Variants in RGS7 observed in about 807,000 individuals in gnomAD.
RGS7 encodes regulator of G protein signaling 7, also known as regulator of G-protein signaling 7.
Under a neutral mutation model 81.1 loss-of-function variants are expected in RGS7, and 27 were observed. The ratio of observed to expected loss-of-function variants is 0.33; its 90% CI spans 0.25 to 0.46. The LOEUF (loss-of-function observed/expected upper bound fraction) is 0.46, where lower values mean the gene tolerates loss of function less well. Ranked by LOEUF, RGS7 falls within the 20% of genes least tolerant of loss-of-function variation. The probability of loss-of-function intolerance (pLI) is 1.00; values close to 1 mark genes in which losing one functional copy is unlikely to be tolerated. For missense variants in RGS7, 396 were observed against 607.4 expected, an observed-to-expected ratio of 0.65 and a Z score of 3.66; for synonymous variants, 208 against 207.7, an observed-to-expected ratio of 1.00 and a Z score of -0.01.
At chr1:241,143,499 A>G (rs866500173) in intron 2 of RGS7, among the ~76,000 whole-genome samples, 15 of 151,870 alleles carry the variant, frequency 9.9e-5, no homozygotes, top group Admixed American at 2.0e-4. Context: ...GTGGAGGGGA[A>G]CTCCTCTTTT....
At chr1:240,895,622 C>A (rs375940387) in intron 6 of RGS7, among the ~76,000 whole-genome samples, 2 of 152,126 alleles carry the variant, frequency 1.3e-5, no homozygotes, top group Admixed American at 6.5e-5. Context: ...TGAACTCATC[C>A]TTTTTTATGG....
chr1:241,027,305 C>T (rs2148714759), intron 3 of RGS7, among the ~76,000 whole-genome samples: 1 of 151,772 alleles, frequency 6.6e-6, no homozygotes, highest in Non-Finnish European at 1.5e-5. Flanking sequence ...GGGAAGTGAG[C>T]AGAGATTCTG....
chr1:240,829,525 G>A (rs895267743), intron 9 of RGS7, among the ~76,000 whole-genome samples: 1 of 152,184 alleles, frequency 6.6e-6, no homozygotes, highest in Non-Finnish European at 1.5e-5. Context: ...TTAAAGGATC[G>A]AGTTTTCACT....
At chr1:241,351,281 T>A (rs1213474175) in intron 2 of RGS7, among the ~76,000 whole-genome samples, 1 of 151,880 alleles carries the variant, frequency 6.6e-6, no homozygotes, top group Non-Finnish European at 1.5e-5. Context: ...TATACAGGCA[T>A]CATGGCACCC....
chr1:241,248,783 T>G (rs1440259603), intron 2 of RGS7, among the ~76,000 whole-genome samples: 1 of 152,176 alleles, frequency 6.6e-6, no homozygotes, highest in Non-Finnish European at 1.5e-5. Flanking sequence ...CCTTTTCGGA[T>G]GAGTGGAGAA....
At chr1:241,312,698 C>A (rs2080618133) in intron 2 of RGS7, among the ~76,000 whole-genome samples, 1 of 152,078 alleles carries the variant, frequency 6.6e-6, no homozygotes, top group Non-Finnish European at 1.5e-5. Context: ...CCCTGAGACA[C>A]AACAACATTA....
intron 2 of RGS7, among the ~76,000 whole-genome samples, chr1:241,105,585 G>A (rs2065043709): frequency 6.6e-6 from 1 of 152,188 alleles, no homozygotes; most frequent in Non-Finnish European, 1.5e-5. Flanking sequence ...CAAAATCACT[G>A]CCTTGAAACC....
intron 3 of RGS7, chr1:240,998,475 C>A (rs670659): frequency 1.5e-5 from 15 of 996,262 alleles, no homozygotes; most frequent in Non-Finnish European, 2.2e-5. Flanking sequence ...CCCATGTCAC[C>A]ATCAGACTTC....
At chr1:240,860,885 A>C (rs1662074718) in intron 9 of RGS7, among the ~76,000 whole-genome samples, 1 of 152,158 alleles carries the variant, frequency 6.6e-6, no homozygotes, top group South Asian at 2.1e-4. Flanking sequence ...TCTGAATGTC[A>C]TGTCATCACA....
chr1:241,269,075 G>A (rs1429040749), intron 2 of RGS7, among the ~76,000 whole-genome samples: 1 of 152,216 alleles, frequency 6.6e-6, no homozygotes, highest in Non-Finnish European at 1.5e-5. Context: ...TAATTATACA[G>A]AGTGATATTG....
chr1:241,356,790 C>T (rs1408369053), intron 1 of RGS7, 109 bp downstream of exon 1: 1 of 149,638 alleles, frequency 6.7e-6, no homozygotes, highest in African/African-American at 2.4e-5. Context: ...GGGCGGCCGC[C>T]CTGCGCCCGC....
intron 4 of RGS7, among the ~76,000 whole-genome samples, chr1:240,959,832 A>G (rs557057985): frequency 3.3e-5 from 5 of 152,286 alleles, no homozygotes; most frequent in Non-Finnish European, 7.3e-5. Context: ...ATTTTAAAAT[A>G]CAAGTTCACG....
intron 2 of RGS7, among the ~76,000 whole-genome samples, chr1:241,140,029 G>A (rs1271843452): frequency 6.6e-6 from 1 of 152,140 alleles, no homozygotes; most frequent in Non-Finnish European, 1.5e-5. Context: ...AGAGCCTGCT[G>A]GATGTTCCTG....
At chr1:240,826,765 C>T (rs1165541821) in intron 10 of RGS7, among the ~76,000 whole-genome samples, 2 of 149,606 alleles carry the variant, frequency 1.3e-5, no homozygotes, top group African/African-American at 5.1e-5. Flanking sequence ...AAGAGGGGCC[C>T]CTGCACTCTT....
intron 2 of RGS7, among the ~76,000 whole-genome samples, chr1:241,165,854 A>G (rs1308251271): frequency 6.6e-6 from 1 of 152,062 alleles, no homozygotes; most frequent in Non-Finnish European, 1.5e-5. Context: ...CCAAACCTCA[A>G]ATGCTTTTAC....
intron 2 of RGS7, among the ~76,000 whole-genome samples, chr1:241,247,785 A>C (rs2076620501): frequency 6.6e-6 from 1 of 152,198 alleles, no homozygotes; most frequent in African/African-American, 2.4e-5. Flanking sequence ...ATATGTCCTC[A>C]TGATGGAATT....
In RGS7 at chr1:241,037,214, T is replaced by C. The variant is rs143160439; in HGVS notation, c.176-54085A>G. ...CTAGGAAATACGTATCAGAAGCTGG[T>C]AAGATAGAGATGTGTTATTTGGAGA... On this transcript the variant is annotated intron_variant, in intron 3 of 18. Coordinates refer to ENST00000440928, the MANE Select transcript of RGS7 (RefSeq NM_001364886.1). Among the ~76,000 whole-genome samples the C allele has an allele frequency of 1.1e-3, 164 of 152,260 alleles. 1 individual carries two copies. Among genetic ancestry groups the C allele is most frequent in the Non-Finnish European group, 1.8e-3 (120 of 68,016 alleles).
At position 240,813,623 on chromosome 1, in the gene RGS7, C is replaced by T. The variant is rs763150329; in HGVS notation, c.951G>A (p.Glu317=). The T allele has an allele frequency of 3.6e-5, 58 of 1,606,638 alleles. No homozygotes were observed. In the South Asian group the frequency reaches 6.3e-4, roughly 17 times the overall value. ...AAAGATAAAATGCCACCTACCTTGC[C>T]TCAAGTTCCCAGAAAGTGGTGTCAT... The part of the protein sequence containing the change: ...LSDDTTFWEL[E]ASKEPSQQRV... Residue 317 remains glutamate (E), a synonymous_variant, in exon 13 of 19, where the codon GAG becomes GAA. Transcript: ENST00000440928.
chr1:241,145,177 C>T (rs1295105663), intron 2 of RGS7, among the ~76,000 whole-genome samples: 1 of 151,974 alleles, frequency 6.6e-6, no homozygotes, highest in Non-Finnish European at 1.5e-5. Context: ...CCACCATGCC[C>T]AGCTAATTTT....
Sources: gnomAD v4.1 joint callset for allele counts (sites outside exome capture counted in the v4.1 genomes callset) on GRCh38, gnomAD v4.1.1 for gene constraint, MANE v1.5 for transcripts, NCBI Gene and HGNC (gene_info 2026-07-23, HGNC 2026-07-21) for gene names.